Variants in TTLL5 observed in about 807,000 individuals in gnomAD.
The protein encoded by TTLL5 is tubulin polyglutamylase TTLL5.
TTLL5 carries 132 observed loss-of-function variants against 168.4 expected under a neutral mutation model. The observed-to-expected ratio is 0.78, with a 90% CI of 0.68 to 0.91. The LOEUF is 0.91. TTLL5 is among the 40% of genes least tolerant of loss of function. TTLL5 has a pLI of 0.00. For missense variants in TTLL5, 1,545 were observed against 1,581.5 expected (o/e 0.98, Z 0.39); for synonymous variants, 546 against 558.6 (o/e 0.98, Z 0.32).
At position 75,954,601 on chromosome 14, in the gene TTLL5, C is replaced by A; in HGVS notation, c.*155C>A. 2 of 711,822 alleles carry A rather than the reference C, an allele frequency of 2.8e-6. No individual in the cohort carries two copies. Among genetic ancestry groups the A allele is most frequent in the Non-Finnish European group, 4.8e-6 (2 of 421,040 alleles). The allele number at this position is 711,822 out of a possible 1,614,324, so 44.1% of individuals were successfully genotyped here. The stretch of plus-strand genomic sequence containing the variant: ...GAGCAGAAGTGGCAGTAGATGGTTG[C>A]CAATCAGCCAATGCAGACTTTCACT... On this transcript the variant is annotated 3_prime_UTR_variant, in exon 32 of 32. Coordinates refer to ENST00000298832, the MANE Select transcript of TTLL5 (RefSeq NM_015072.5).
chr14:75,792,033 C>G (rs1207645444), intron 26 of TTLL5, among the ~76,000 whole-genome samples: 1 of 151,948 alleles, frequency 6.6e-6, no homozygotes, highest in Admixed American at 6.6e-5. Flanking sequence ...CTCAGCCTCC[C>G]AAGTAGCTGG....
At chr14:75,782,123 C>T (rs1393975470) in intron 24 of TTLL5, among the ~76,000 whole-genome samples, 1 of 151,994 alleles carries the variant, frequency 6.6e-6, no homozygotes, top group Non-Finnish European at 1.5e-5. Context: ...CACCAACCAG[C>T]GTGATCTCTT....
At chr14:75,710,324 T>G (rs1292484966) in intron 9 of TTLL5, 1 of 152,114 alleles carries the variant, frequency 6.6e-6, no homozygotes, top group Non-Finnish European at 1.5e-5. Context: ...CTTTGGCTAC[T>G]GGTTGTGTGT....
At chr14:75,811,345 G>A (rs1384969988) in intron 27 of TTLL5, among the ~76,000 whole-genome samples, 1 of 151,784 alleles carries the variant, frequency 6.6e-6, no homozygotes, top group African/African-American at 2.4e-5. Context: ...CTGTTTATCT[G>A]TCTGTCCCTA....
intron 23 of TTLL5, among the ~76,000 whole-genome samples, chr14:75,779,203 C>T (rs1268962630): frequency 6.6e-6 from 1 of 152,134 alleles, no homozygotes; most frequent in African/African-American, 2.4e-5. Context: ...TTGTTTGCCG[C>T]CTGTTCTAGA....
chr14:75,825,546 G>T (rs934175366), intron 28 of TTLL5, among the ~76,000 whole-genome samples: 1 of 152,074 alleles, frequency 6.6e-6, no homozygotes, highest in Non-Finnish European at 1.5e-5. Context: ...TATCCTGGGG[G>T]TCGAGCTTTG....
chr14:75,872,861 A>G (rs11847406), intron 29 of TTLL5, among the ~76,000 whole-genome samples: 131,995 of 149,730 alleles, frequency 0.88, 58,274 homozygotes, highest in South Asian at 0.92. Flanking sequence ...CAGTGAGCCA[A>G]GATCGTGGCC....
chr14:75,857,652 T>G (rs904227028), intron 28 of TTLL5, among the ~76,000 whole-genome samples: 8 of 151,594 alleles, frequency 5.3e-5, no homozygotes, highest in African/African-American at 1.9e-4. Flanking sequence ...CTTTTTTTTT[T>G]TTTTGGTGGG....
At chr14:75,738,761 G>A (rs1044133883) in intron 15 of TTLL5, among the ~76,000 whole-genome samples, 3 of 152,106 alleles carry the variant, frequency 2.0e-5, no homozygotes, top group Admixed American at 6.6e-5. Flanking sequence ...ATAGCCTGTG[G>A]CATTTGACTG....
chr14:75,933,783 G>GT (rs1204765223), intron 31 of TTLL5, among the ~76,000 whole-genome samples: 1 of 152,206 alleles, frequency 6.6e-6, no homozygotes, highest in African/African-American at 2.4e-5. Context: ...AGGTGATAAA[G>GT]TTAAAATGAG....
intron 9 of TTLL5, among the ~76,000 whole-genome samples, chr14:75,716,152 G>A (rs1240401451): frequency 1.3e-5 from 2 of 152,188 alleles, no homozygotes; most frequent in East Asian, 3.8e-4. Flanking sequence ...TCTATTAGAG[G>A]AAGATTGGGA....
At chr14:75,878,479 C>T (rs572956406) in intron 29 of TTLL5, among the ~76,000 whole-genome samples, 21 of 152,272 alleles carry the variant, frequency 1.4e-4, no homozygotes, top group Non-Finnish European at 2.2e-4. Flanking sequence ...GTGCACCAGC[C>T]GAGTCTGCCC....
rs756717509 is a variant in TTLL5, at chr14:75,719,778, A to G, written c.886A>G (p.Met296Val). 10 of 1,613,866 alleles carry G rather than the reference A, an allele frequency of 6.2e-6. No individual in the cohort carries two copies. The highest frequency in any genetic ancestry group is 1.7e-4 in the Middle Eastern group (1 of 6,058). Residue 296 changes from methionine to valine, a missense_variant, in exon 11 of 32, where the codon ATG becomes GTG. Met to Val is a conservative substitution (Grantham distance 21, BLOSUM62 1). Coordinates refer to ENST00000298832, the MANE Select transcript of TTLL5 (RefSeq NM_015072.5). ...GGAGGATTATGGAAACAAATGGAGC[A>G]TGAGTGCTATGCTTAGGTACCTGAA... Reference protein sequence around the residue: ...EVEDYGNKWSMSAMLRYLKQE... With the variant: ...EVEDYGNKWSVSAMLRYLKQE...
intron 30 of TTLL5, among the ~76,000 whole-genome samples, chr14:75,894,407 G>T (rs918391039): frequency 3.3e-5 from 5 of 152,096 alleles, no homozygotes; most frequent in African/African-American, 1.2e-4. Flanking sequence ...CAAAAAATTA[G>T]CTGGGCGTTA....
intron 12 of TTLL5, among the ~76,000 whole-genome samples, chr14:75,725,325 C>T (rs896696448): frequency 6.6e-6 from 1 of 152,194 alleles, no homozygotes; most frequent in African/African-American, 2.4e-5. Context: ...AATCTCTTCA[C>T]TTTTTGAGAT....
At chr14:75,946,353 A>G (rs2034771866) in intron 31 of TTLL5, among the ~76,000 whole-genome samples, 1 of 152,268 alleles carries the variant, frequency 6.6e-6, no homozygotes, top group South Asian at 2.1e-4. Flanking sequence ...CAATTGTTAA[A>G]TGAATAAAGT....
At chr14:75,681,062 T>C (rs1884573742) in intron 3 of TTLL5, among the ~76,000 whole-genome samples, 1 of 152,206 alleles carries the variant, frequency 6.6e-6, no homozygotes, top group Non-Finnish European at 1.5e-5. Flanking sequence ...ATACATTGTA[T>C]TGAAATATAG....
At chr14:75,704,103 T>C (rs1886470769) in intron 7 of TTLL5, among the ~76,000 whole-genome samples, 1 of 152,230 alleles carries the variant, frequency 6.6e-6, no homozygotes, top group Admixed American at 6.5e-5. Flanking sequence ...GAGGTAGTTA[T>C]TATTTCCTTA....
At chr14:75,935,196 C>A (rs950154099) in intron 31 of TTLL5, among the ~76,000 whole-genome samples, 1 of 152,192 alleles carries the variant, frequency 6.6e-6, no homozygotes, top group Non-Finnish European at 1.5e-5. Flanking sequence ...GTTTGTCTAA[C>A]AATCAGAGTC....
Sources: gnomAD v4.1 joint callset for allele counts (sites outside exome capture counted in the v4.1 genomes callset) on GRCh38, gnomAD v4.1.1 for gene constraint, MANE v1.5 for transcripts, NCBI Gene and HGNC (gene_info 2026-07-23, HGNC 2026-07-21) for gene names.